The following FHIT variants were observed in gnomAD, a reference collection of about 807,000 sequenced individuals.
FHIT encodes the protein fragile histidine triad diadenosine triphosphatase, also known as bis(5'-adenosyl)-triphosphatase.
In FHIT, 19 loss-of-function variants were observed where a neutral mutation model predicts 17.9. The observed-to-expected ratio is 1.06, with a 90% confidence interval of 0.74 to 1.56. The LOEUF is 1.56. FHIT is among the 40% of genes most tolerant of loss of function. FHIT has a pLI of 0.00. For synonymous variants in FHIT, 81 were observed against 69.7 expected (o/e 1.16, Z -0.81); for missense variants, 248 against 189.2 (o/e 1.31, Z -1.82).
rs1176212050 is a variant in FHIT, at chr3:60,123,967, AATATATATATATATATATATAT to A, written c.104-109837_104-109816del. On this transcript the variant is annotated intron_variant, in intron 5 of 9. Transcript: ENST00000492590. ...CTTCCATTAACAGAAATGCACTAAA[AATATATATATATATATATATAT>A]ATATATATATATATATATATAGAGA... is the stretch of plus-strand genomic sequence containing the variant. 2.0e-3 allele frequency among the ~76,000 whole-genome samples: 56 copies of A among 27,786 alleles called. 4 individuals carry two copies. Among genetic ancestry groups the A allele is most frequent in the Admixed American group, 3.7e-3 (6 of 1,642 alleles). The allele number at this position is 27,786 out of a possible 152,430, so 18.2% of individuals were successfully genotyped here.
chr3:59,942,286 GATC>G (rs761349778), intron 7 of FHIT, among the ~76,000 whole-genome samples: 39 of 152,138 alleles, frequency 2.6e-4, no homozygotes, highest in Non-Finnish European at 4.9e-4. Flanking sequence ...CTTATGCAAA[GATC>G]ACCCTTAGCC....
At chr3:59,860,645 C>G (rs948259722) in intron 8 of FHIT, among the ~76,000 whole-genome samples, 26 of 152,102 alleles carry the variant, frequency 1.7e-4, no homozygotes, top group Non-Finnish European at 2.9e-5. Flanking sequence ...TTGGTGAGCA[C>G]AGGGCAGTCA....
chr3:60,977,564 C>G (rs567575559), intron 3 of FHIT, among the ~76,000 whole-genome samples: 3 of 152,190 alleles, frequency 2.0e-5, no homozygotes, highest in East Asian at 3.9e-4. Flanking sequence ...GTGGGGGATG[C>G]TGGCATGCTC....
In FHIT at chr3:60,117,494, T is replaced by TAAAAA. The variant is rs34113926; in HGVS notation, c.104-103347_104-103343dup. Among the ~76,000 whole-genome samples the TAAAAA allele has an allele frequency of 2.3e-4, 20 of 86,796 alleles. 1 individual carries two copies. The highest frequency in any genetic ancestry group is 9.6e-4 in the East Asian group (3 of 3,124). The allele number at this position is 86,796 out of a possible 152,430, so 56.9% of individuals were successfully genotyped here. A position where few individuals can be genotyped will look rare whatever the true frequency, so the allele number is the denominator to read the frequency against. On this transcript the variant is annotated intron_variant, in intron 5 of 9. Coordinates refer to ENST00000492590, the MANE Select transcript of FHIT (RefSeq NM_002012.4). The stretch of plus-strand genomic sequence containing the variant: ...GACCCAAAGTCTATTACTTCCTATC[T>TAAAAA]AAAAAAAAAAAAAAAAAAAAAAAAA...
At chr3:60,318,209 C>A (rs1576467171) in intron 5 of FHIT, among the ~76,000 whole-genome samples, 2 of 152,150 alleles carry the variant, frequency 1.3e-5, no homozygotes, top group East Asian at 1.9e-4. Context: ...AAAATAAGCA[C>A]CAAGAAAAAA....
chr3:60,791,395 C>A (rs569265293), intron 4 of FHIT, among the ~76,000 whole-genome samples: 1 of 152,180 alleles, frequency 6.6e-6, no homozygotes, highest in Non-Finnish European at 1.5e-5. Flanking sequence ...ATTCCCTCAG[C>A]TACTTAATAA....
chr3:60,172,164 C>A (rs181895098), intron 5 of FHIT, among the ~76,000 whole-genome samples: 97 of 152,252 alleles, frequency 6.4e-4, no homozygotes, highest in African/African-American at 2.1e-3. Context: ...AGGAATGAAA[C>A]TGAGCTCAGG....
chr3:60,474,128 C>A (rs1024446746), intron 5 of FHIT, among the ~76,000 whole-genome samples: 5 of 152,158 alleles, frequency 3.3e-5, no homozygotes, highest in Non-Finnish European at 7.3e-5. Context: ...GCTTACCCAG[C>A]AATCAAGGAA....
chr3:60,691,504 G>A (rs2040990784), intron 4 of FHIT, among the ~76,000 whole-genome samples: 1 of 151,670 alleles, frequency 6.6e-6, no homozygotes, highest in East Asian at 1.9e-4. Context: ...TAAGTAGCTG[G>A]GACTGCAGGT....
intron 2 of FHIT, among the ~76,000 whole-genome samples, chr3:61,140,729 G>A (rs147981865): frequency 7.9e-5 from 12 of 152,116 alleles, no homozygotes; most frequent in Middle Eastern, 3.4e-3. Context: ...CTGAAATAAT[G>A]AAAACAAAAT....
At chr3:60,375,038 A>C (rs1453330045) in intron 5 of FHIT, among the ~76,000 whole-genome samples, 1 of 151,996 alleles carries the variant, frequency 6.6e-6, no homozygotes, top group Non-Finnish European at 1.5e-5. Flanking sequence ...TATGATAATG[A>C]GAAGAGGGAG....
intron 5 of FHIT, among the ~76,000 whole-genome samples, chr3:60,319,011 T>C (rs1322008433): frequency 6.6e-6 from 1 of 152,144 alleles, no homozygotes; most frequent in African/African-American, 2.4e-5. Context: ...TCTCTGATTC[T>C]GACCTTCCTC....
intron 5 of FHIT, among the ~76,000 whole-genome samples, chr3:60,405,492 C>T (rs965725859): frequency 6.6e-6 from 1 of 152,170 alleles, no homozygotes; most frequent in African/African-American, 2.4e-5. Context: ...GACCTCCTCA[C>T]CCTTCAATGT....
At chr3:60,792,983 T>C (rs1215695481) in intron 4 of FHIT, among the ~76,000 whole-genome samples, 2 of 152,092 alleles carry the variant, frequency 1.3e-5, no homozygotes, top group Admixed American at 6.6e-5. Context: ...GTGATGAAGA[T>C]GGTGGGCAGG....
intron 2 of FHIT, among the ~76,000 whole-genome samples, chr3:61,143,727 A>G (rs6786356): frequency 0.027 from 4,133 of 152,172 alleles, 72 homozygotes; most frequent in Middle Eastern, 0.041. Context: ...TTAGCCGGGC[A>G]TGGTGGCAGG....
intron 5 of FHIT, among the ~76,000 whole-genome samples, chr3:60,291,070 G>C (rs780382785): frequency 2.0e-5 from 3 of 152,154 alleles, no homozygotes; most frequent in Non-Finnish European, 4.4e-5. Flanking sequence ...ATGATAATCA[G>C]GTTCATTGTC....
At chr3:61,019,597 T>A (rs2107642282) in intron 3 of FHIT, among the ~76,000 whole-genome samples, 1 of 152,354 alleles carries the variant, frequency 6.6e-6, no homozygotes, top group South Asian at 2.1e-4. Flanking sequence ...TTGTAGATTC[T>A]TTCACATTCA....
chr3:60,729,411 G>T (rs1034083370), intron 4 of FHIT, among the ~76,000 whole-genome samples: 2 of 152,138 alleles, frequency 1.3e-5, no homozygotes, highest in Non-Finnish European at 2.9e-5. Flanking sequence ...AATTTTAAGT[G>T]GAGGTGACTG....
rs1203579512 is a variant in FHIT at position 61,249,989 on chromosome 3, CAA to C, written c.-213+1310_-213+1311del. ...ACACACACACACACACACACACACACAAACCCTAGACTTCTTTCTTTACTAAA... is the reference window on the plus strand; with the variant it reads ...ACACACACACACACACACACACACACACCCTAGACTTCTTTCTTTACTAAA... On this transcript the variant is annotated intron_variant, in intron 1 of 9. Transcript: ENST00000492590. Among the ~76,000 whole-genome samples, 314 of 125,196 alleles carry C rather than the reference CAA, an allele frequency of 2.5e-3. 3 individuals carry two copies. Among genetic ancestry groups the C allele is most frequent in the African/African-American group, 8.1e-3 (217 of 26,734 alleles). 82.1% of individuals were successfully genotyped at this position (125,196 alleles called of 152,430 possible).
Sources: gnomAD v4.1 joint callset for allele counts (sites outside exome capture counted in the v4.1 genomes callset) on GRCh38, gnomAD v4.1.1 for gene constraint, MANE v1.5 for transcripts, NCBI Gene and HGNC (gene_info 2026-07-23, HGNC 2026-07-21) for gene names.